MEG3: variants seen among roughly 807,000 people sequenced by gnomAD.
MEG3 encodes the protein Very putative protein from MEG3 locus.
intron 2 of MEG3, among the ~76,000 whole-genome samples, chr14:100,843,205 G>A (rs1257385835): frequency 6.6e-6 from 1 of 152,180 alleles, no homozygotes. Flanking sequence ...GCTCCTTCCT[G>A]CTTCTGATTT....
upstream of MEG3, chr14:100,852,406 G>T (rs1461460449): frequency 1.9e-6 from 1 of 534,432 alleles, no homozygotes; most frequent in South Asian, 1.4e-5. Context: ...CACCTTCCGA[G>T]CCTCCAGTAC....
downstream of MEG3, chr14:100,833,863 T>C (rs1241262817): frequency 6.6e-6 from 1 of 152,226 alleles, no homozygotes; most frequent in African/African-American, 2.4e-5. Context: ...ATGTTATTAG[T>C]TGAAACCTTA....
rs1170353202 is a variant in MEG3, at chr14:100,860,811, C to G, written n.3175C>G. On this transcript the variant is annotated non_coding_transcript_exon_variant, in exon 2 of 2. Coordinates refer to the MEG3 transcript ENST00000398460. The stretch of plus-strand genomic sequence containing the variant: ...CCCTCTGACTGATGGACGCCGCTGA[C>G]CTGGGGTCAGACCCGTGGGCTGGAC... The G allele has an allele frequency of 4.5e-5, 19 of 425,122 alleles. No individual in the cohort carries two copies. The East Asian group carries it at 1.4e-3, about 30-fold the overall frequency. 26.3% of individuals were successfully genotyped at this position (425,122 alleles called of 1,614,324 possible). A position where few individuals can be genotyped will look rare whatever the true frequency, so the allele number is the denominator to read the frequency against.
intron 3 of MEG3, chr14:100,851,131 G>A (rs1036096098): frequency 2.0e-5 from 3 of 152,354 alleles, no homozygotes; most frequent in Non-Finnish European, 4.4e-5. Flanking sequence ...AACCTGGAGT[G>A]GCACCAGCTG....
At chr14:100,834,443 C>G (rs1485166177) in exon 1 of MEG3, 1 of 276,768 alleles carries the variant, frequency 3.6e-6, no homozygotes, top group African/African-American at 2.2e-5. Flanking sequence ...CAAAAGTTAA[C>G]TCCCCACGTC....
chr14:100,859,003 TCTC>T (rs1335391719), exon 1 of MEG3: 2 of 152,246 alleles, frequency 1.3e-5, no homozygotes, highest in Admixed American at 1.3e-4. Flanking sequence ...TGGGTCCTGG[TCTC>T]CTGAGGACGG....
Position 100,835,035 on chromosome 14 carries a change from C to T in MEG3, n.2067C>T, listed in dbSNP as rs926323733. Reference sequence around the variant, plus strand: ...CATCCCTTGATGGCCTCTGTGTCCCCAGGAGGGCGGGCCGGGGGGTTGCCC... The same window carrying T: ...CATCCCTTGATGGCCTCTGTGTCCCTAGGAGGGCGGGCCGGGGGGTTGCCC... On this transcript the variant is annotated non_coding_transcript_exon_variant, in exon 1 of 4. Coordinates refer to the MEG3 transcript ENST00000398461. The T allele has an allele frequency of 2.0e-5, 7 of 348,730 alleles. 1 individual carries two copies. The highest frequency in any genetic ancestry group is 1.3e-4 in the South Asian group (6 of 46,414). The allele number at this position is 348,730 out of a possible 1,614,324, so 21.6% of individuals were successfully genotyped here.
intron 1 of MEG3, among the ~76,000 whole-genome samples, chr14:100,828,076 G>A (rs2037294284): frequency 6.6e-6 from 1 of 152,022 alleles, no homozygotes; most frequent in Non-Finnish European, 1.5e-5. Flanking sequence ...AGGCGTCCAG[G>A]GGGCGTAGCG....
intron 2 of MEG3, among the ~76,000 whole-genome samples, chr14:100,844,160 G>A (rs1239046000): frequency 6.6e-6 from 1 of 152,106 alleles, no homozygotes; most frequent in African/African-American, 2.4e-5. Flanking sequence ...GCTTCTGCCT[G>A]CCCTGGTGCC....
chr14:100,836,212 G>A (rs1412171810), exon 2 of MEG3: 3 of 456,584 alleles, frequency 6.6e-6, no homozygotes, highest in South Asian at 4.6e-5. Flanking sequence ...AACTGCGGAT[G>A]GAAGCTGCGG....
chr14:100,828,232 C>T (rs2037302193), intron 1 of MEG3, among the ~76,000 whole-genome samples: 1 of 152,006 alleles, frequency 6.6e-6, no homozygotes, highest in South Asian at 2.1e-4. Flanking sequence ...GCGGGCCGCG[C>T]GCCCCCTAGC....
exon 1 of MEG3, chr14:100,835,291 A>C (rs2037534994): frequency 6.4e-6 from 1 of 157,424 alleles, no homozygotes; most frequent in African/African-American, 2.4e-5. Context: ...CTTTGGCCAC[A>C]GGTCTCCCTC....
intron 3 of MEG3, chr14:100,848,388 G>A (rs1345410719): frequency 2.0e-5 from 3 of 152,142 alleles, no homozygotes; most frequent in African/African-American, 4.8e-5. Flanking sequence ...ACCTGCCTTC[G>A]AGAAGTGTAA....
intron 3 of MEG3, chr14:100,846,820 G>C (rs1252100367): frequency 6.6e-6 from 1 of 152,086 alleles, no homozygotes; most frequent in African/African-American, 2.4e-5. Flanking sequence ...GGACTAAGGG[G>C]TATGTGTAAC....
At chr14:100,853,107 C>T (rs1201895343), upstream of MEG3, 1 of 152,308 alleles carries the variant, frequency 6.6e-6, no homozygotes, top group Non-Finnish European at 1.5e-5. Context: ...TGCTCCCTAC[C>T]CGGTTCTTTC....
At chr14:100,852,749 T>C (rs117877041), upstream of MEG3, 1,051 of 229,064 alleles carry the variant, frequency 4.6e-3, 38 homozygotes, top group Admixed American at 0.039. Flanking sequence ...GGAGGGCCCA[T>C]TGCATGCACC....
chr14:100,852,009 T>G, intron 3 of MEG3: 1 of 227,386 alleles, frequency 4.4e-6, no homozygotes, highest in East Asian at 1.3e-4. Flanking sequence ...AAACACTGGA[T>G]TCTTAACAAG....
At chr14:100,836,625 G>C (rs577910121) in intron 2 of MEG3, among the ~76,000 whole-genome samples, 4 of 151,554 alleles carry the variant, frequency 2.6e-5, no homozygotes, top group Admixed American at 6.6e-5. Flanking sequence ...GTACGGCTTT[G>C]CTGAACACAT....
rs1051238654 is a variant in MEG3, at chr14:100,845,407, C to T, written n.3046-51C>T. 1.4e-5 allele frequency: 6 copies of T among 443,618 alleles called. No individual in the cohort carries two copies. Among genetic ancestry groups the T allele is most frequent in the East Asian group, 7.1e-5 (1 of 13,988 alleles). The allele number at this position is 443,618 out of a possible 1,614,324, so 27.5% of individuals were successfully genotyped here. On this transcript the variant is annotated intron_variant and non_coding_transcript_variant, in intron 2 of 3. Coordinates refer to the MEG3 transcript ENST00000398461. This position sits in a 1 kb window ranked among gnomAD's most constrained non-coding sequence, Gnocchi z 5.2. ...TGTCCTCATCCGCCCTCCTCCTCCT[C>T]GCCGGCCTGAGTGAGGTTCTACTCT... is the stretch of plus-strand genomic sequence containing the variant.
Sources: gnomAD v4.1 joint callset for allele counts (sites outside exome capture counted in the v4.1 genomes callset) on GRCh38, gnomAD v4.1.1 for gene constraint, Gnocchi (gnomAD v3.1) non-coding constraint, MANE v1.5 for transcripts, NCBI Gene and HGNC (gene_info 2026-07-23, HGNC 2026-07-21) for gene names.